SPA17: variants seen among roughly 807,000 people sequenced by gnomAD.
SPA17 encodes the protein sperm autoantigenic protein 17.
In SPA17, 7 loss-of-function variants were observed where a neutral mutation model predicts 13.8. That is an observed-to-expected ratio of 0.51 (90% CI 0.29 to 0.95). The LOEUF is 0.95. Among genes scored for constraint, SPA17 ranks in the 40% least tolerant of loss-of-function variants. The pLI is 0.08. For synonymous variants in SPA17, 61 were observed against 59.0 expected (o/e 1.03, Z -0.16); for missense variants, 170 against 179.3 (o/e 0.95, Z 0.30).
At chr11:124,680,004 G>A (rs956742430) in intron 2 of SPA17, among the ~76,000 whole-genome samples, 1 of 152,130 alleles carries the variant, frequency 6.6e-6, no homozygotes, top group Non-Finnish European at 1.5e-5. Context: ...CTGAAAACTG[G>A]TAAATAAAAG....
chr11:124,682,460 A>G lies in SPA17; in HGVS notation c.225+1001A>G, dbSNP rs11602001. 7.1e-3 allele frequency among the ~76,000 whole-genome samples: 1,079 copies of G among 152,292 alleles called. 7 individuals carry two copies. The highest frequency in any genetic ancestry group is 9.9e-3 in the Non-Finnish European group (670 of 67,994). On this transcript the variant is annotated intron_variant, in intron 3 of 4. Transcript: ENST00000227135. Reference sequence around the variant, plus strand: ...TTTTAAATATGGTCAGTGAGGTGCAAGAGAAATCTGAAAACCAATACAAAG... The same window carrying G: ...TTTTAAATATGGTCAGTGAGGTGCAGGAGAAATCTGAAAACCAATACAAAG...
chr11:124,684,062 G>A lies in SPA17; in HGVS notation c.225+2603G>A, dbSNP rs1051474990. 6.2e-4 allele frequency among the ~76,000 whole-genome samples: 95 copies of A among 152,206 alleles called. 1 individual carries two copies. The highest frequency in any genetic ancestry group is 8.5e-4 in the Non-Finnish European group (58 of 68,010). Reference sequence around the variant, plus strand: ...GGTAATTGAATCATGGGGGATGATGGTTTAATAAGGGGCTTTTTCCCCTTT... The same window carrying A: ...GGTAATTGAATCATGGGGGATGATGATTTAATAAGGGGCTTTTTCCCCTTT... On this transcript the variant is annotated intron_variant, in intron 3 of 4. Coordinates refer to ENST00000227135, the MANE Select transcript of SPA17 (RefSeq NM_017425.4).
intron 1 of SPA17, chr11:124,674,872 C>T (rs12284783): frequency 0.065 from 10,077 of 154,678 alleles, 1,004 homozygotes; most frequent in African/African-American, 0.22. Flanking sequence ...AAGGTCTTCT[C>T]AGCAATTGAC....
In SPA17 at chr11:124,696,837, A is replaced by G. The variant is rs1488214397; in HGVS notation, c.*2391A>G. ...CGAACTTCTATATTCAACTGCCTAC[A>G]TAACATCCCCATTTGGATGTCTATA... is the stretch of plus-strand genomic sequence containing the variant. On this transcript the variant is annotated 3_prime_UTR_variant, in exon 5 of 5. Transcript: ENST00000227135. The G allele has an allele frequency of 1.3e-5, 2 of 152,316 alleles. No homozygotes were observed. The highest frequency in any genetic ancestry group is 1.3e-4 in the Admixed American group (2 of 15,300). 9.4% of individuals were successfully genotyped at this position (152,316 alleles called of 1,614,324 possible). A position where few individuals can be genotyped will look rare whatever the true frequency, so the allele number is the denominator to read the frequency against.
rs537262004 is a variant in SPA17 at position 124,692,679 on chromosome 11, A to G, written c.312+897A>G. ...TGAAGTCAGCCACAATGAGAATATT[A>G]AGACCATGGCAAACACTGCAAATCA... is the stretch of plus-strand genomic sequence containing the variant. On this transcript the variant is annotated intron_variant, in intron 4 of 4. Transcript: ENST00000227135. 9.2e-5 allele frequency among the ~76,000 whole-genome samples: 14 copies of G among 152,350 alleles called. No homozygotes were observed. The East Asian group carries it at 2.7e-3, about 29-fold the overall frequency.
intron 3 of SPA17, among the ~76,000 whole-genome samples, chr11:124,688,680 T>C (rs1943597423): frequency 6.6e-6 from 1 of 152,200 alleles, no homozygotes; most frequent in South Asian, 2.1e-4. Flanking sequence ...ACAGATTCAG[T>C]GCTGTCCCTA....
chr11:124,681,967 C>A (rs1276119057), intron 3 of SPA17, among the ~76,000 whole-genome samples: 1 of 152,010 alleles, frequency 6.6e-6, no homozygotes, highest in East Asian at 1.9e-4. Flanking sequence ...ATACAAAAGA[C>A]CGGTTAGAAT....
At chr11:124,692,412 C>T (rs1189568285) in intron 4 of SPA17, among the ~76,000 whole-genome samples, 1 of 151,878 alleles carries the variant, frequency 6.6e-6, no homozygotes, top group Non-Finnish European at 1.5e-5. Context: ...AACCCCATCT[C>T]TACTAAAAAT....
intron 2 of SPA17, among the ~76,000 whole-genome samples, chr11:124,680,753 A>T (rs897136507): frequency 3.9e-5 from 6 of 151,918 alleles, no homozygotes; most frequent in Non-Finnish European, 7.4e-5. Context: ...GGGTTGGGTT[A>T]AAAATAATCA....
chr11:124,690,211 T>TAA (rs1254056484), intron 3 of SPA17, among the ~76,000 whole-genome samples: 1 of 152,196 alleles, frequency 6.6e-6, no homozygotes, highest in Non-Finnish European at 1.5e-5. Flanking sequence ...TGAATCAACC[T>TAA]AAGTATCTGT....
intron 3 of SPA17, among the ~76,000 whole-genome samples, chr11:124,683,521 C>A (rs1433183374): frequency 6.7e-6 from 1 of 148,942 alleles, no homozygotes; most frequent in East Asian, 1.9e-4. Context: ...TATAGACTGG[C>A]TGAATGGATT....
intron 3 of SPA17, among the ~76,000 whole-genome samples, chr11:124,687,430 G>A (rs1943587551): frequency 6.6e-6 from 1 of 152,084 alleles, no homozygotes; most frequent in Non-Finnish European, 1.5e-5. Context: ...GAGAAGAATG[G>A]ATTCTCCCTA....
At chr11:124,693,486 A>AT (rs200951073) in intron 4 of SPA17, among the ~76,000 whole-genome samples, 1 of 111,562 alleles carries the variant, frequency 9.0e-6, no homozygotes, top group Non-Finnish European at 1.8e-5. Context: ...ATAAAAAGAC[A>AT]TATATATATA....
chr11:124,681,642 T>G (rs1943531745), intron 3 of SPA17, among the ~76,000 whole-genome samples, 183 bp downstream of exon 3: 1 of 151,744 alleles, frequency 6.6e-6, no homozygotes, highest in Non-Finnish European at 1.5e-5. Context: ...ATTAAAAAGA[T>G]TTAATAAAAA....
Position 124,675,329 on chromosome 11 carries a change from G to A in SPA17, c.65G>A (p.Gly22Glu), listed in dbSNP as rs1943447602. 6.2e-7 allele frequency: 1 copy of A among 1,614,150 alleles called. No individual in the cohort carries two copies. ...CAAGGATTTGGGAATCTTCTTGAAG[G>A]GCTGACACGCGAGATTCTGAGAGAG... ...IPQGFGNLLE[G>E]LTREILREQP... The change falls in exon 2 of 5, where the codon GGG becomes GAG. Residue 22 changes from glycine (G) to glutamate (E), a missense_variant. Physicochemically the swap from Gly to Glu is moderately conservative, Grantham distance 98. Coordinates refer to ENST00000227135, the MANE Select transcript of SPA17 (RefSeq NM_017425.4).
rs1464396569 is a variant in SPA17, at chr11:124,694,356, A to G, written c.366A>G (p.Gln122=). The G allele has an allele frequency of 6.2e-7, 1 of 1,614,108 alleles. No homozygotes were observed. The highest frequency in any genetic ancestry group is 2.2e-5 in the East Asian group (1 of 44,870). ...AAGAGGTTGCTGCTGTCAAAATCCA[A>G]GCTGCCTTCCGGGGACACATAGCCA... ...EKEEVAAVKI[Q]AAFRGHIARE... is the part of the protein sequence containing the mutation. The change falls in exon 5 of 5, where the codon CAA becomes CAG. Residue 122 remains glutamine (Q), a synonymous_variant. Transcript: ENST00000227135.
At position 124,684,172 on chromosome 11, in the gene SPA17, T is replaced by C. The variant is rs1943554711; in HGVS notation, c.225+2713T>C. 1.3e-5 allele frequency among the ~76,000 whole-genome samples: 2 copies of C among 152,188 alleles called. 1 individual carries two copies. The highest frequency in any genetic ancestry group is 2.9e-5 in the Non-Finnish European group (2 of 68,028). Reference sequence around the variant, plus strand: ...AAGTTTTCTGAGGCCTCCTCAGCCATGCAGAACTGTGAATCAATTAAACCT... The same window carrying C: ...AAGTTTTCTGAGGCCTCCTCAGCCACGCAGAACTGTGAATCAATTAAACCT... On this transcript the variant is annotated intron_variant, in intron 3 of 4. Transcript: ENST00000227135.
chr11:124,675,174 T>C, intron 1 of SPA17, 64 bp from the exon 2 acceptor site: 1 of 1,460,952 alleles, frequency 6.8e-7, no homozygotes, highest in Non-Finnish European at 9.2e-7. Context: ...TTTGTTGGCA[T>C]AGTTGTGATT....
chr11:124,685,741 G>A (rs1050466574), intron 3 of SPA17, among the ~76,000 whole-genome samples: 7 of 152,128 alleles, frequency 4.6e-5, no homozygotes, highest in Non-Finnish European at 1.0e-4. Context: ...TTTGAGACAT[G>A]GACTCAAAGA....
Sources: gnomAD v4.1 joint callset for allele counts (sites outside exome capture counted in the v4.1 genomes callset) on GRCh38, gnomAD v4.1.1 for gene constraint, MANE v1.5 for transcripts, NCBI Gene and HGNC (gene_info 2026-07-23, HGNC 2026-07-21) for gene names.